The following WDR76 variants were observed in gnomAD, a reference collection of about 807,000 sequenced individuals.
WDR76 encodes the protein WD repeat domain 76, also known as WD repeat-containing protein 76.
Under a neutral mutation model 70.2 loss-of-function variants are expected in WDR76, and 52 were observed. The observed-to-expected ratio is 0.74, with a 90% CI of 0.59 to 0.93. The LOEUF is 0.93. Ranked by LOEUF, WDR76 falls within the 40% of genes least tolerant of loss-of-function variation. WDR76 has a pLI of 0.00. For missense variants in WDR76, 756 were observed against 760.2 expected (o/e 0.99, Z 0.07); for synonymous variants, 292 against 271.1 (o/e 1.08, Z -0.76).
chr15:43,827,468 C>T (rs185884229), intron 1 of WDR76, among the ~76,000 whole-genome samples: 21 of 152,244 alleles, frequency 1.4e-4, no homozygotes, highest in Admixed American at 9.8e-4. Flanking sequence ...GTGAATTCTA[C>T]TGAGGTTAAG....
At chr15:43,844,926 TAAA>T (rs1163275078) in intron 8 of WDR76, among the ~76,000 whole-genome samples, 1 of 15,538 alleles carries the variant, frequency 6.4e-5, no homozygotes, top group African/African-American at 2.6e-4. Flanking sequence ...AGACTCTGTG[TAAA>T]AAAAAAAAAA....
intron 10 of WDR76, among the ~76,000 whole-genome samples, chr15:43,858,306 G>A (rs1445835237): frequency 2.1e-5 from 3 of 144,598 alleles, no homozygotes; most frequent in Non-Finnish European, 4.5e-5. Flanking sequence ...CCAGGCTGGA[G>A]TGCAATGGCG....
Position 43,866,534 on chromosome 15 carries a change from AGT to A in WDR76, c.*145_*146del, listed in dbSNP as rs200033745. 2.4e-3 allele frequency: 2,354 copies of A among 999,402 alleles called. 39 individuals carry two copies. In the African/African-American group the frequency reaches 0.034, roughly 15 times the overall value. 61.9% of individuals were successfully genotyped at this position (999,402 alleles called of 1,614,324 possible). On this transcript the variant is annotated 3_prime_UTR_variant, in exon 13 of 13. Transcript: ENST00000263795. ...GTTTTATTAATAAGACTATAAGAAG[AGT>A]GTACTTTTAGTAAGGGAGAAGTCTT...
intron 2 of WDR76, among the ~76,000 whole-genome samples, chr15:43,829,499 C>CTTTTTTTTTTTTTTTTTTTTTTTTTTTTT (rs34835269): frequency 1.7e-5 from 1 of 57,968 alleles, no homozygotes; most frequent in Non-Finnish European, 3.5e-5. Flanking sequence ...AGCATGGCCA[C>CTTTTTTTTTTTTTTTTTTTTTTTTTTTTT]TTTTTTTTTT....
At chr15:43,831,246 T>C (rs1477232636) in intron 2 of WDR76, among the ~76,000 whole-genome samples, 1 of 151,676 alleles carries the variant, frequency 6.6e-6, no homozygotes, top group African/African-American at 2.4e-5. Context: ...AAGTAAAAAA[T>C]AAAGCCTCCC....
At chr15:43,827,187 C>T (rs996008221) in intron 1 of WDR76, 95 bp downstream of exon 1, 59 of 1,521,602 alleles carry the variant, frequency 3.9e-5, no homozygotes, top group Non-Finnish European at 5.3e-5. Flanking sequence ...GGGCACCTGG[C>T]ACCGGGGGTA....
At chr15:43,851,730 T>G (rs2087862272) in intron 9 of WDR76, among the ~76,000 whole-genome samples, 1 of 152,172 alleles carries the variant, frequency 6.6e-6, no homozygotes, top group African/African-American at 2.4e-5. Context: ...GGCCAGGAGT[T>G]CCAGACCAGC....
intron 8 of WDR76, among the ~76,000 whole-genome samples, chr15:43,847,533 G>A (rs892790482): frequency 3.9e-5 from 6 of 152,020 alleles, no homozygotes; most frequent in African/African-American, 1.2e-4. Flanking sequence ...GCAGTTCTCT[G>A]CCTCAGCCTC....
chr15:43,866,282 T>C lies in WDR76; in HGVS notation c.1771T>C (p.Tyr591His). ...GKRVHSFGGE[Y>H]LVSVCSINAM... ...GAGGGTGCATTCGTTTGGTGGAGAA[T>C]ACCTTGTCTCTGTGTGTTCCATCAA... Residue 591 changes from tyrosine to histidine, a missense_variant, in exon 13 of 13, where the codon TAC (tyrosine) becomes CAC (histidine). Transcript: ENST00000263795. 2 of 1,614,136 alleles carry C rather than the reference T, an allele frequency of 1.2e-6. No individual in the cohort carries two copies. The highest frequency in any genetic ancestry group is 1.7e-6 in the Non-Finnish European group (2 of 1,180,028).
chr15:43,830,186 T>A (rs532463602), intron 2 of WDR76, among the ~76,000 whole-genome samples: 1 of 151,784 alleles, frequency 6.6e-6, no homozygotes, highest in Admixed American at 6.6e-5. Flanking sequence ...TATTTAACAG[T>A]TTCCTAGAGA....
intron 8 of WDR76, among the ~76,000 whole-genome samples, chr15:43,847,622 C>T (rs567471579): frequency 6.6e-6 from 1 of 152,194 alleles, no homozygotes; most frequent in Admixed American, 6.5e-5. Flanking sequence ...GGGGTTTCAC[C>T]ATCTTGGCCA....
At position 43,829,367 on chromosome 15, in the gene WDR76, G is replaced by A. The variant is rs140547981; in HGVS notation, c.462+1001G>A. ...GGGAAAGGGAGATACTATAATTGAA[G>A]GCTTGTTGTTATGAAATAGAAGTTT... On this transcript the variant is annotated intron_variant, in intron 2 of 12. Transcript: ENST00000263795. 2.8e-4 allele frequency among the ~76,000 whole-genome samples: 42 copies of A among 152,128 alleles called. No individual in the cohort carries two copies. The East Asian group carries it at 7.3e-3, about 27-fold the overall frequency.
chr15:43,830,710 A>G (rs2087576991), intron 2 of WDR76, among the ~76,000 whole-genome samples: 1 of 152,078 alleles, frequency 6.6e-6, no homozygotes, highest in African/African-American at 2.4e-5. Flanking sequence ...GAGGAGTTCC[A>G]GACCAGCCTG....
chr15:43,833,545 T>G (rs1394426249), intron 2 of WDR76, among the ~76,000 whole-genome samples: 1 of 152,040 alleles, frequency 6.6e-6, no homozygotes, highest in Non-Finnish European at 1.5e-5. Flanking sequence ...GGTCTCGATC[T>G]CCTGACCTTG....
chr15:43,842,160 CACT>C (rs1333175873), intron 5 of WDR76, among the ~76,000 whole-genome samples: 1 of 152,190 alleles, frequency 6.6e-6, no homozygotes, highest in Non-Finnish European at 1.5e-5. Flanking sequence ...AGTTTCAATC[CACT>C]GTCTTTAAAA....
In WDR76 at chr15:43,867,185, AGTCTTAC is replaced by A. The variant is rs1274401784; in HGVS notation, c.*796_*802del. On this transcript the variant is annotated 3_prime_UTR_variant, in exon 13 of 13. Transcript: ENST00000263795. ...TTTTTTGCCCCCTGCCTGTAGGTTA[AGTCTTAC>A]GTGAAATGCCAAGATAATTGCTGAG... 6.6e-6 allele frequency: 1 copy of A among 152,264 alleles called. No individual in the cohort carries two copies. The highest frequency in any genetic ancestry group is 1.9e-4 in the East Asian group (1 of 5,182). The allele number at this position is 152,264 out of a possible 1,614,324, so 9.4% of individuals were successfully genotyped here. A position where few individuals can be genotyped will look rare whatever the true frequency, so the allele number is the denominator to read the frequency against.
At chr15:43,839,862 T>C (rs1368978048) in intron 5 of WDR76, 134 bp downstream of exon 5, 3 of 1,196,046 alleles carry the variant, frequency 2.5e-6, no homozygotes, top group Middle Eastern at 3.0e-4. Context: ...TGTATGGTTT[T>C]GTTTTGTTTT....
At chr15:43,831,921 G>GT (rs1275691462) in intron 2 of WDR76, among the ~76,000 whole-genome samples, 1 of 150,622 alleles carries the variant, frequency 6.6e-6, no homozygotes. Context: ...GTAACTTTTT[G>GT]TTTTTTTAAT....
rs746893689 is a variant in WDR76 at position 43,835,117 on chromosome 15, C to T, written c.519C>T (p.Asn173=). 23 of 1,613,856 alleles carry T rather than the reference C, an allele frequency of 1.4e-5. No homozygotes were observed. The highest frequency in any genetic ancestry group is 9.3e-5 in the African/African-American group (7 of 74,878). ...ERKRLKNISE[N]ADFFASLQLS... is the part of the protein sequence containing the mutation. ...AGAGACTGAAGAACATATCAGAAAACGCAGACTTTTTTGCTTCTCTTCAGT... is the reference window on the plus strand; with the variant it reads ...AGAGACTGAAGAACATATCAGAAAATGCAGACTTTTTTGCTTCTCTTCAGT... Residue 173 remains asparagine, a synonymous_variant, in exon 3 of 13, where the codon AAC becomes AAT. Coordinates refer to ENST00000263795, the MANE Select transcript of WDR76 (RefSeq NM_024908.4).
Sources: allele counts gnomAD v4.1 joint callset (sites outside exome capture counted in the v4.1 genomes callset), GRCh38; gene constraint gnomAD v4.1.1; transcripts MANE v1.5; gene names NCBI Gene and HGNC (gene_info 2026-07-23, HGNC 2026-07-21).